RNLS: variants seen among roughly 807,000 people sequenced by gnomAD.
RNLS encodes renalase.
RNLS carries 39 observed loss-of-function variants against 39.8 expected under a neutral mutation model. The ratio of observed to expected loss-of-function variants is 0.98; its 90% confidence interval spans 0.76 to 1.28. The LOEUF is 1.28. RNLS is among the 50% of genes most tolerant of loss of function. RNLS has a pLI of 0.00. For missense variants in RNLS, 410 were observed against 413.3 expected (o/e 0.99, Z 0.07); for synonymous variants, 147 against 150.7 (o/e 0.98, Z 0.18).
intron 4 of RNLS, among the ~76,000 whole-genome samples, chr10:88,568,177 T>C (rs1224168989): frequency 6.6e-6 from 1 of 152,162 alleles, no homozygotes; most frequent in Non-Finnish European, 1.5e-5. Flanking sequence ...CATATTTTGT[T>C]TTCTGTTCCT....
At chr10:88,354,295 G>A (rs1469541437) in intron 5 of RNLS, among the ~76,000 whole-genome samples, 6 of 152,030 alleles carry the variant, frequency 3.9e-5, no homozygotes, top group African/African-American at 4.8e-5. Flanking sequence ...TAGTTGATGC[G>A]GTTTCTTCCT....
chr10:88,316,068 G>A (rs1734706902), intron 5 of RNLS, among the ~76,000 whole-genome samples: 1 of 152,154 alleles, frequency 6.6e-6, no homozygotes, highest in African/African-American at 2.4e-5. Flanking sequence ...CAAGAGAAGA[G>A]AGTCCCAACA....
intron 4 of RNLS, among the ~76,000 whole-genome samples, chr10:88,399,002 T>C (rs1204110911): frequency 1.3e-5 from 2 of 151,944 alleles, no homozygotes; most frequent in Admixed American, 6.6e-5. Flanking sequence ...TTTCCAAAGA[T>C]TATAAACAAA....
chr10:88,286,607 G>A (rs567673862), intron 6 of RNLS, among the ~76,000 whole-genome samples: 1 of 152,042 alleles, frequency 6.6e-6, no homozygotes, highest in African/African-American at 2.4e-5. Flanking sequence ...CATTCACCTG[G>A]ATGACAATAT....
intron 4 of RNLS, among the ~76,000 whole-genome samples, chr10:88,536,580 T>C (rs1847773692): frequency 6.6e-6 from 1 of 152,178 alleles, no homozygotes; most frequent in South Asian, 2.1e-4. Flanking sequence ...CATCATCTCC[T>C]ACTACGCTGT....
At chr10:88,505,503 T>C (rs1241284552) in intron 4 of RNLS, among the ~76,000 whole-genome samples, 3 of 146,690 alleles carry the variant, frequency 2.0e-5, no homozygotes, top group Admixed American at 6.9e-5. Flanking sequence ...GGCAAGAAAG[T>C]AGGGGAGAGA....
the RNLS span, among the ~76,000 whole-genome samples, chr10:88,193,947 T>A: frequency 2.6e-5 from 4 of 152,342 alleles, no homozygotes; most frequent in African/African-American, 9.6e-5. Context: ...TTATTTCGCA[T>A]TGGTCATCAC....
intron 5 of RNLS, 73 bp from the exon 6 acceptor site, chr10:88,314,714 C>G: frequency 7.3e-7 from 1 of 1,362,912 alleles, no homozygotes; most frequent in Non-Finnish European, 1.0e-6. Context: ...GATTTCAATT[C>G]AGACTTAAGA....
intron 5 of RNLS, among the ~76,000 whole-genome samples, chr10:88,322,716 A>T (rs1391559066): frequency 6.6e-6 from 1 of 152,176 alleles, no homozygotes; most frequent in Non-Finnish European, 1.5e-5. Flanking sequence ...CTCCCTAGGA[A>T]TGGGAGCAAG....
At chr10:88,385,965 C>T (rs1419233996) in intron 4 of RNLS, among the ~76,000 whole-genome samples, 1 of 152,194 alleles carries the variant, frequency 6.6e-6, no homozygotes, top group African/African-American at 2.4e-5. Context: ...GATTTAATAG[C>T]CTGCTTGCAC....
At chr10:88,482,387 C>T (rs1406432693) in intron 4 of RNLS, among the ~76,000 whole-genome samples, 1 of 152,126 alleles carries the variant, frequency 6.6e-6, no homozygotes, top group Non-Finnish European at 1.5e-5. Flanking sequence ...TGATTTGTCT[C>T]AAGTTAACTG....
chr10:88,379,927 C>G (rs370295324), intron 4 of RNLS, among the ~76,000 whole-genome samples: 2 of 152,134 alleles, frequency 1.3e-5, no homozygotes, highest in African/African-American at 2.4e-5. Flanking sequence ...ATCAGCCCCC[C>G]GCTGTCCAGT....
intron 2 of RNLS, 143 bp downstream of exon 2, chr10:88,582,059 G>T: frequency 1.7e-6 from 1 of 605,934 alleles, no homozygotes; most frequent in South Asian, 2.7e-5. Flanking sequence ...ACAGCTAGTT[G>T]CCTTCTTCCA....
At chr10:88,241,620 A>G in the RNLS span, among the ~76,000 whole-genome samples, 5 of 152,162 alleles carry the variant, frequency 3.3e-5, no homozygotes, top group Non-Finnish European at 7.4e-5. Flanking sequence ...TCAGCCATTC[A>G]TTCTTGACAC....
At chr10:88,534,258 G>A (rs1328668933) in intron 4 of RNLS, among the ~76,000 whole-genome samples, 2 of 152,022 alleles carry the variant, frequency 1.3e-5, no homozygotes, top group Admixed American at 6.6e-5. Flanking sequence ...TAACATAGAA[G>A]CCCTGAATTA....
chr10:88,456,792 C>T (rs1842652033), intron 4 of RNLS, among the ~76,000 whole-genome samples: 1 of 152,142 alleles, frequency 6.6e-6, no homozygotes, highest in Admixed American at 6.5e-5. Context: ...TCAAAGTGAG[C>T]AGTGTACTGT....
At chr10:88,444,143 T>C (rs7922551) in intron 4 of RNLS, among the ~76,000 whole-genome samples, 107,453 of 152,160 alleles carry the variant, frequency 0.71, 38,969 homozygotes, top group African/African-American at 0.88. Context: ...AACGATCAGG[T>C]AGCAACATTT....
chr10:88,335,976 T>C (rs1461194867), intron 5 of RNLS, among the ~76,000 whole-genome samples: 1 of 152,220 alleles, frequency 6.6e-6, no homozygotes, highest in Non-Finnish European at 1.5e-5. Context: ...GATGAAGAGA[T>C]GAATGAATGA....
intron 6 of RNLS, among the ~76,000 whole-genome samples, chr10:88,308,307 A>G (rs1845084199): frequency 6.6e-6 from 1 of 152,148 alleles, no homozygotes; most frequent in Admixed American, 6.6e-5. Flanking sequence ...CTATTTGAAG[A>G]GCTGTGTAGC....
Sources: allele counts gnomAD v4.1 joint callset (sites outside exome capture counted in the v4.1 genomes callset), GRCh38; gene constraint gnomAD v4.1.1; transcripts MANE v1.5; gene names NCBI Gene and HGNC (gene_info 2026-07-23, HGNC 2026-07-21).